Variants in OPTC observed in about 807,000 individuals in gnomAD.
The protein encoded by OPTC is opticin, also known as oculoglycan.
Under a neutral mutation model 25.4 loss-of-function variants are expected in OPTC, and 22 were observed. That is an observed-to-expected ratio of 0.87 (90% CI 0.62 to 1.24). The LOEUF is 1.24. Ranked by LOEUF, OPTC falls within the 50% of genes most tolerant of loss-of-function variation. The pLI is 0.00. For missense variants in OPTC, 417 were observed against 425.2 expected (o/e 0.98, Z 0.17); for synonymous variants, 169 against 179.3 (o/e 0.94, Z 0.46).
chr1:203,500,526 T>C (rs79829244), intron 5 of OPTC, among the ~76,000 whole-genome samples: 29,103 of 148,724 alleles, frequency 0.2, 4,011 homozygotes, highest in African/African-American at 0.37. Flanking sequence ...TGCACCTCCA[T>C]CACCACCACC....
chr1:203,498,597 T>C (rs1005447136), intron 3 of OPTC, 84 bp from the exon 4 acceptor site: 2 of 1,547,994 alleles, frequency 1.3e-6, no homozygotes, highest in African/African-American at 1.4e-5. Context: ...CAGATGGCCA[T>C]GGTTCAGACA....
At chr1:203,504,422 G>A (rs940702044) in intron 7 of OPTC, among the ~76,000 whole-genome samples, 1 of 152,074 alleles carries the variant, frequency 6.6e-6, no homozygotes, top group Admixed American at 6.6e-5. Flanking sequence ...ACATCATATC[G>A]GTGGTTTAAA....
chr1:203,496,459 CT>C (rs1661281749), intron 2 of OPTC, among the ~76,000 whole-genome samples: 1 of 152,214 alleles, frequency 6.6e-6, no homozygotes, highest in African/African-American at 2.4e-5. Context: ...TTGCCTCCCC[CT>C]GCCAAAGCTA....
intron 3 of OPTC, 125 bp from the exon 4 acceptor site, chr1:203,498,555 TG>T: frequency 1.8e-6 from 2 of 1,128,820 alleles, no homozygotes; most frequent in Non-Finnish European, 1.3e-6. Context: ...CCGTCAGTTC[TG>T]GGCAGCAACC....
rs756361366 is a variant in OPTC at position 203,499,839 on chromosome 1, T to A, written c.720T>A (p.Pro240=). 2.7e-5 allele frequency: 43 copies of A among 1,611,802 alleles called. No homozygotes were observed. Among genetic ancestry groups the A allele is most frequent in the Non-Finnish European group, 2.5e-6 (3 of 1,179,788 alleles). ...GGCTCCAGAGCTCGGGGATACAGCC[T>A]GCAGCCTTCAGGGTGAGTCAAGGCC... The part of the protein sequence containing the change: ...LNRLQSSGIQ[P]AAFRAMEKLQ... The change falls in exon 5 of 8, where the codon CCT becomes CCA. Residue 240 remains proline (P), a synonymous_variant. Transcript: ENST00000367222.
At chr1:203,499,971 C>G in intron 5 of OPTC, 120 bp downstream of exon 5, 1 of 810,964 alleles carries the variant, frequency 1.2e-6, no homozygotes, top group Non-Finnish European at 2.0e-6. Context: ...CCTCTACCAC[C>G]CACCTCCACC....
chr1:203,496,349 G>C, intron 2 of OPTC, 113 bp downstream of exon 2: 1 of 754,170 alleles, frequency 1.3e-6, no homozygotes, highest in Admixed American at 2.0e-5. Flanking sequence ...CTCTTTCTCT[G>C]TGAGGTGGAA....
In OPTC at chr1:203,501,205, AT is replaced by A. The variant is rs1661386714; in HGVS notation, c.732+1356del. Reference sequence around the variant, plus strand: ...AACCTCTGCCTCCCGTGTTCAAGCAATTCTCCTGCCTCGGCCTCCTGAGTAG... The same window carrying A: ...AACCTCTGCCTCCCGTGTTCAAGCAATCTCCTGCCTCGGCCTCCTGAGTAG... On this transcript the variant is annotated intron_variant, in intron 5 of 7. Transcript: ENST00000367222. Among the ~76,000 whole-genome samples the A allele has an allele frequency of 7.2e-5, 11 of 152,262 alleles. No individual in the cohort carries two copies. In the South Asian group the frequency reaches 2.3e-3, roughly 32 times the overall value.
chr1:203,506,689 G>A (rs1330020216), intron 7 of OPTC, among the ~76,000 whole-genome samples: 29 of 152,122 alleles, frequency 1.9e-4, no homozygotes, highest in Admixed American at 1.9e-3. Flanking sequence ...TTTAATTCCA[G>A]CAAAAACCCT....
intron 1 of OPTC, among the ~76,000 whole-genome samples, chr1:203,494,460 TG>T (rs1394003492): frequency 1.3e-5 from 2 of 152,080 alleles, no homozygotes; most frequent in Non-Finnish European, 2.9e-5. Context: ...GCTAGAGGCT[TG>T]CCCCCTTGCC....
At chr1:203,496,766 G>C (rs1661287605) in intron 2 of OPTC, among the ~76,000 whole-genome samples, 1 of 151,964 alleles carries the variant, frequency 6.6e-6, no homozygotes, top group Non-Finnish European at 1.5e-5. Context: ...TCCTCTCTGG[G>C]CCCCAGTTTC....
Position 203,498,661 on chromosome 1 carries a change from C to T in OPTC, c.371-20C>T. On this transcript the variant is annotated intron_variant, in intron 3 of 7. Transcript: ENST00000367222. ...GAGGCTAAAGAGATCTCCCTTTGTT[C>T]TGTCTTCCACCTGGGCCAGGTCTGC... 6.2e-7 allele frequency: 1 copy of T among 1,614,134 alleles called. No individual in the cohort carries two copies. Among genetic ancestry groups the T allele is most frequent in the Non-Finnish European group, 8.5e-7 (1 of 1,180,016 alleles).
chr1:203,495,415 C>T (rs1661261257), intron 1 of OPTC, among the ~76,000 whole-genome samples: 1 of 152,172 alleles, frequency 6.6e-6, no homozygotes, highest in Admixed American at 6.5e-5. Context: ...ACTCAGGAGG[C>T]TGAGGCAGGA....
chr1:203,503,114 T>G (rs1384600564), intron 6 of OPTC, 105 bp downstream of exon 6: 1 of 852,566 alleles, frequency 1.2e-6, no homozygotes, highest in African/African-American at 1.7e-5. Flanking sequence ...TAGGCAGCTG[T>G]GGGGTCTCCT....
intron 1 of OPTC, 129 bp from the exon 2 acceptor site, chr1:203,495,836 T>C: frequency 1.5e-6 from 1 of 654,314 alleles, no homozygotes; most frequent in Non-Finnish European, 2.8e-6. Context: ...AGGGAATTTG[T>C]GCATGTGATG....
At chr1:203,497,962 T>C (rs1232982410) in intron 3 of OPTC, among the ~76,000 whole-genome samples, 1 of 152,192 alleles carries the variant, frequency 6.6e-6, no homozygotes, top group Admixed American at 6.5e-5. Context: ...ACCAGAGTTA[T>C]TCCTTGAGTT....
In OPTC at chr1:203,503,558, G is replaced by A. The variant is rs1558239572; in HGVS notation, c.837G>A (p.Leu279=). The change falls in exon 7 of 8, where the codon CTG becomes CTA. Residue 279 remains leucine, a synonymous_variant. Coordinates refer to ENST00000367222, the MANE Select transcript of OPTC (RefSeq NM_014359.4). ...SLRSVHLQNN[L]IETMQRDVFC... is the part of the protein sequence containing the mutation. The stretch of plus-strand genomic sequence containing the variant: ...GTATGTGTTCTTCCCAGAATAACCT[G>A]ATAGAGACCATGCAGAGAGACGTCT... 1.9e-6 allele frequency: 3 copies of A among 1,613,494 alleles called. No individual in the cohort carries two copies. The South Asian group carries it at 3.3e-5, about 18-fold the overall frequency.
chr1:203,508,073 G>A (rs1263199680), intron 7 of OPTC, among the ~76,000 whole-genome samples: 2 of 152,218 alleles, frequency 1.3e-5, no homozygotes, highest in Non-Finnish European at 2.9e-5. Context: ...GAGAGGCTAA[G>A]TACTTTGTCC....
chr1:203,507,456 A>C (rs1661513150), intron 7 of OPTC, among the ~76,000 whole-genome samples: 1 of 152,190 alleles, frequency 6.6e-6, no homozygotes, highest in Non-Finnish European at 1.5e-5. Context: ...AGACTTTCCT[A>C]ACCTCACTCA....
Sources: gnomAD v4.1 joint callset for allele counts (sites outside exome capture counted in the v4.1 genomes callset) on GRCh38, gnomAD v4.1.1 for gene constraint, MANE v1.5 for transcripts, NCBI Gene and HGNC (gene_info 2026-07-23, HGNC 2026-07-21) for gene names.